The following TRDN variants were observed in gnomAD, a reference collection of about 807,000 sequenced individuals.
The protein encoded by TRDN is triadin in skeletal muscle.
In TRDN, 161 loss-of-function variants were observed where a neutral mutation model predicts 149.7. That is an observed-to-expected ratio of 1.08 (90% confidence interval 0.95 to 1.23). The LOEUF (loss-of-function observed/expected upper bound fraction) is 1.23. Among genes scored for constraint, TRDN ranks in the 50% most tolerant of loss-of-function variants. The pLI is 0.00. For synonymous variants in TRDN, 294 were observed against 250.5 expected (o/e 1.17, Z -1.64); for missense variants, 896 against 823.5 (o/e 1.09, Z -1.08).
Position 123,636,903 on chromosome 6 carries a change from C to A in TRDN, c.-128G>T, listed in dbSNP as rs190083560. On this transcript the variant is annotated 5_prime_UTR_variant, in exon 1 of 41. Coordinates refer to ENST00000334268, the MANE Select transcript of TRDN (RefSeq NM_006073.4). Reference sequence around the variant, plus strand: ...ACCTGGGGGCTCTTCGTTTTCCTGGCTGTTTCTGCTGCTTCTTTGTTGTCC... The same window carrying A: ...ACCTGGGGGCTCTTCGTTTTCCTGGATGTTTCTGCTGCTTCTTTGTTGTCC... 9.9e-7 allele frequency: 1 copy of A among 1,013,892 alleles called. No individual in the cohort carries two copies. The highest frequency in any genetic ancestry group is 1.6e-5 in the African/African-American group (1 of 62,316). 62.8% of individuals were successfully genotyped at this position (1,013,892 alleles called of 1,614,324 possible). A position where few individuals can be genotyped will look rare whatever the true frequency, so the allele number is the denominator to read the frequency against.
chr6:123,522,806 G>A (rs888821635), intron 5 of TRDN, among the ~76,000 whole-genome samples: 10 of 152,114 alleles, frequency 6.6e-5, no homozygotes, highest in African/African-American at 1.4e-4. Context: ...AAATTAAATC[G>A]TTATTTCAGT....
chr6:123,245,912 T>A (rs1470402579), intron 38 of TRDN, among the ~76,000 whole-genome samples: 1 of 152,108 alleles, frequency 6.6e-6, no homozygotes, highest in Admixed American at 6.6e-5. Flanking sequence ...GCAATCAAAT[T>A]ATAACTCAGG....
intron 9 of TRDN, among the ~76,000 whole-genome samples, chr6:123,465,582 C>CAAAA (rs1223948612): frequency 1.5e-3 from 95 of 65,174 alleles, no homozygotes; most frequent in Non-Finnish European, 1.6e-3. Context: ...TTATGAACTG[C>CAAAA]AAAAAAAAAA....
intron 24 of TRDN, among the ~76,000 whole-genome samples, chr6:123,298,486 G>A (rs951509349): frequency 6.6e-6 from 1 of 151,906 alleles, no homozygotes; most frequent in Admixed American, 6.6e-5. Flanking sequence ...TCTTATGTAA[G>A]TCGCCATCCC....
chr6:123,370,179 T>G (rs1461542924), intron 19 of TRDN, among the ~76,000 whole-genome samples: 2 of 152,188 alleles, frequency 1.3e-5, no homozygotes, highest in Non-Finnish European at 2.9e-5. Flanking sequence ...TTGAAACTTC[T>G]TACTTTTCCT....
chr6:123,299,683 G>A (rs541446152), intron 24 of TRDN, among the ~76,000 whole-genome samples: 142 of 151,902 alleles, frequency 9.3e-4, no homozygotes, highest in Non-Finnish European at 1.7e-3. Context: ...ATAGACTTGA[G>A]AAAATTATTC....
intron 4 of TRDN, among the ~76,000 whole-genome samples, 177 bp downstream of exon 4, chr6:123,547,163 T>C (rs1032582598): frequency 6.6e-6 from 1 of 152,032 alleles, no homozygotes; most frequent in African/African-American, 2.4e-5. Context: ...AACAGAAAAG[T>C]AGTGAGATCA....
intron 9 of TRDN, among the ~76,000 whole-genome samples, chr6:123,468,206 T>C (rs1459452665): frequency 6.6e-6 from 1 of 152,228 alleles, no homozygotes; most frequent in East Asian, 1.9e-4. Context: ...AAGAGGCTTA[T>C]AATTTTATTA....
chr6:123,235,481 G>A, intron 38 of TRDN, among the ~76,000 whole-genome samples: 1 of 152,216 alleles, frequency 6.6e-6, no homozygotes, highest in Non-Finnish European at 1.5e-5. Flanking sequence ...GGTCAGGTAA[G>A]TGAGAAAAAG....
intron 1 of TRDN, among the ~76,000 whole-genome samples, chr6:123,606,568 ATT>A (rs1338604349): frequency 3.9e-5 from 6 of 152,078 alleles, no homozygotes. Context: ...TTATTTTTAT[ATT>A]TAAGATGTTA....
chr6:123,350,416 T>G, intron 21 of TRDN: 1 of 644,524 alleles, frequency 1.6e-6, no homozygotes, highest in Non-Finnish European at 1.9e-6. Flanking sequence ...TCCACATGTT[T>G]AAACAAATAA....
intron 37 of TRDN, among the ~76,000 whole-genome samples, chr6:123,253,645 C>T (rs992856659): frequency 1.3e-5 from 2 of 151,956 alleles, no homozygotes. Flanking sequence ...AAGAATATGC[C>T]TGCTCTCAAT....
At chr6:123,532,738 T>A (rs184062632) in intron 4 of TRDN, among the ~76,000 whole-genome samples, 1 of 142,810 alleles carries the variant, frequency 7.0e-6, no homozygotes, top group Non-Finnish European at 1.6e-5. Context: ...CAATAAGATA[T>A]ATGATTAAAA....
At chr6:123,473,517 A>T (rs1231928340) in intron 9 of TRDN, among the ~76,000 whole-genome samples, 2 of 152,162 alleles carry the variant, frequency 1.3e-5, no homozygotes, top group South Asian at 4.2e-4. Flanking sequence ...TGGAAAACAC[A>T]CTGCAGGATA....
In TRDN at chr6:123,484,945, A is replaced by G. The variant is rs576978224; in HGVS notation, c.853+12248T>C. Among the ~76,000 whole-genome samples, 4 of 152,338 alleles carry G rather than the reference A, an allele frequency of 2.6e-5. No homozygotes were observed. The South Asian group carries it at 8.3e-4, about 32-fold the overall frequency. ...TGAAACTGACTGAGAGAGTGGTAAC[A>G]GCTTCAGAGGAAACCTCCACTCAGA... On this transcript the variant is annotated intron_variant, in intron 9 of 40. Coordinates refer to ENST00000334268, the MANE Select transcript of TRDN (RefSeq NM_006073.4).
intron 9 of TRDN, among the ~76,000 whole-genome samples, chr6:123,493,156 C>A (rs535743426): frequency 6.6e-6 from 1 of 152,146 alleles, no homozygotes. Flanking sequence ...GCCCATAGGA[C>A]CAGTGTTGAT....
At chr6:123,421,360 C>T (rs1031585822) in intron 12 of TRDN, among the ~76,000 whole-genome samples, 1 of 152,084 alleles carries the variant, frequency 6.6e-6, no homozygotes, top group African/African-American at 2.4e-5. Context: ...ACTTTTTAGG[C>T]AAAGATATGA....
At chr6:123,389,931 G>GT (rs1782044438) in intron 13 of TRDN, among the ~76,000 whole-genome samples, 3 of 152,120 alleles carry the variant, frequency 2.0e-5, no homozygotes, top group Admixed American at 1.3e-4. Flanking sequence ...TTTAATTTTA[G>GT]TAAGTCTCTG....
intron 8 of TRDN, among the ~76,000 whole-genome samples, chr6:123,499,308 G>A (rs9490792): frequency 0.83 from 126,267 of 151,994 alleles, 52,641 homozygotes; most frequent in East Asian, 0.88. Flanking sequence ...AAATCTTCAC[G>A]CTTCAGAGAG....
Sources: gnomAD v4.1 joint callset for allele counts (sites outside exome capture counted in the v4.1 genomes callset) on GRCh38, gnomAD v4.1.1 for gene constraint, MANE v1.5 for transcripts, NCBI Gene and HGNC (gene_info 2026-07-23, HGNC 2026-07-21) for gene names.